Variants in GRIN2B observed in about 807,000 individuals in gnomAD.
GRIN2B encodes the protein glutamate ionotropic receptor NMDA type subunit 2B, also known as glutamate receptor ionotropic, NMDA 2B.
Under a neutral mutation model 114.5 loss-of-function variants are expected in GRIN2B, and 5 were observed. The observed-to-expected ratio is 0.04, with a 90% CI of 0.02 to 0.09. The LOEUF (loss-of-function observed/expected upper bound fraction) is 0.09, where lower values mean the gene tolerates loss of function less well. Ranked by LOEUF, GRIN2B falls within the 10% of genes least tolerant of loss-of-function variation. The pLI is 1.00. For missense variants in GRIN2B, 1,108 were observed against 1,943.5 expected, an observed-to-expected ratio of 0.57 and a Z score of 8.08; for synonymous variants, 787 against 745.1, an observed-to-expected ratio of 1.06 and a Z score of -0.92.
In GRIN2B at chr12:13,876,279, C is replaced by T. The variant is rs563135290; in HGVS notation, c.-18-10053G>A. Reference sequence around the variant, plus strand: ...TCTTTATAAAATGGGAATTATTATCCTCACCTTACAGAGTTGTTGTGAATA... The same window carrying T: ...TCTTTATAAAATGGGAATTATTATCTTCACCTTACAGAGTTGTTGTGAATA... On this transcript the variant is annotated intron_variant, in intron 2 of 13. Coordinates refer to ENST00000609686, the MANE Select transcript of GRIN2B (RefSeq NM_000834.5). Among the ~76,000 whole-genome samples the T allele has an allele frequency of 3.3e-5, 5 of 152,220 alleles. No individual in the cohort carries two copies. The East Asian group carries it at 7.7e-4, about 24-fold the overall frequency.
At chr12:13,970,686 AACACACACACAC>A (rs5796570) in intron 2 of GRIN2B, among the ~76,000 whole-genome samples, 167 of 145,132 alleles carry the variant, frequency 1.2e-3, no homozygotes, top group African/African-American at 4.1e-3. Context: ...GCAGGCTCTA[AACACACACACAC>A]ACACACACAC....
intron 3 of GRIN2B, among the ~76,000 whole-genome samples, chr12:13,776,380 C>T (rs1237402830): frequency 6.6e-6 from 1 of 151,978 alleles, no homozygotes; most frequent in Non-Finnish European, 1.5e-5. Flanking sequence ...CACACGTTCA[C>T]CTATGTAACA....
At chr12:13,574,543 G>A (rs1329948236) in intron 10 of GRIN2B, among the ~76,000 whole-genome samples, 1 of 152,028 alleles carries the variant, frequency 6.6e-6, no homozygotes, top group Non-Finnish European at 1.5e-5. Flanking sequence ...TAATTTTTCT[G>A]AAAAAAATGG....
At chr12:13,844,725 A>G (rs1462820358) in intron 3 of GRIN2B, among the ~76,000 whole-genome samples, 1 of 152,184 alleles carries the variant, frequency 6.6e-6, no homozygotes, top group Non-Finnish European at 1.5e-5. Context: ...GATGATGGGG[A>G]TAGTGACAAT....
At chr12:13,859,634 C>T (rs1865721611) in intron 3 of GRIN2B, among the ~76,000 whole-genome samples, 2 of 152,108 alleles carry the variant, frequency 1.3e-5, no homozygotes, top group African/African-American at 2.4e-5. Flanking sequence ...TCATCGTATG[C>T]ACTGGGAAAA....
intron 10 of GRIN2B, among the ~76,000 whole-genome samples, chr12:13,605,554 C>CTCTCTCTCTCTCTG (rs1404110204): frequency 1.4e-5 from 2 of 147,242 alleles, no homozygotes; most frequent in African/African-American, 5.1e-5. Flanking sequence ...CTCTCTCTGA[C>CTCTCTCTCTCTCTG]ACACACACAC....
intron 2 of GRIN2B, among the ~76,000 whole-genome samples, chr12:13,933,930 C>T (rs1469867511): frequency 6.6e-6 from 1 of 152,202 alleles, no homozygotes; most frequent in African/African-American, 2.4e-5. Flanking sequence ...CTTCCTCTTA[C>T]CCTTCAATAT....
chr12:13,747,535 A>G (rs1258481610), intron 4 of GRIN2B, among the ~76,000 whole-genome samples: 1 of 152,136 alleles, frequency 6.6e-6, no homozygotes, highest in Non-Finnish European at 1.5e-5. Context: ...CCCTCCCTCT[A>G]TATACAGGTG....
chr12:13,863,188 A>G (rs1256176632), intron 3 of GRIN2B, among the ~76,000 whole-genome samples: 1 of 152,078 alleles, frequency 6.6e-6, no homozygotes, highest in Non-Finnish European at 1.5e-5. Flanking sequence ...CAGTTCTCCT[A>G]TTTACTCCTG....
rs71067738 is a variant in GRIN2B, at chr12:13,927,982, A to AAAAAAAAAAAAAAAAAAG, written c.-19+51945_-19+51946insCTTTTTTTTTTTTTTTTT. On this transcript the variant is annotated intron_variant, in intron 2 of 13. Coordinates refer to ENST00000609686, the MANE Select transcript of GRIN2B (RefSeq NM_000834.5). ...ACCCTGTCTCAAAAAAAAAAAAAAA[A>AAAAAAAAAAAAAAAAAAG]GGGGGGGTATGCTGTGGAAAGGATG... Among the ~76,000 whole-genome samples, 142 of 129,772 alleles carry AAAAAAAAAAAAAAAAAAG rather than the reference A, an allele frequency of 1.1e-3. 5 individuals are homozygous for AAAAAAAAAAAAAAAAAAG. The highest frequency in any genetic ancestry group is 1.4e-3 in the Non-Finnish European group (83 of 60,378). The allele number at this position is 129,772 out of a possible 152,430, so 85.1% of individuals were successfully genotyped here.
intron 4 of GRIN2B, among the ~76,000 whole-genome samples, chr12:13,730,619 T>C (rs1321458300): frequency 6.6e-6 from 1 of 152,154 alleles, no homozygotes; most frequent in Non-Finnish European, 1.5e-5. Flanking sequence ...CAAATCTCAT[T>C]GTAGGCGATA....
At chr12:13,939,469 G>C (rs1867194801) in intron 2 of GRIN2B, among the ~76,000 whole-genome samples, 1 of 145,928 alleles carries the variant, frequency 6.9e-6, no homozygotes, top group Admixed American at 6.9e-5. Context: ...TAACACGCCT[G>C]TTTCCCCTTC....
chr12:13,800,671 A>G (rs1864493211), intron 3 of GRIN2B, among the ~76,000 whole-genome samples: 1 of 152,186 alleles, frequency 6.6e-6, no homozygotes. Flanking sequence ...ATACTGTTAC[A>G]GTGAAAATAA....
chr12:13,818,768 C>T (rs1463870536), intron 3 of GRIN2B, among the ~76,000 whole-genome samples: 1 of 152,150 alleles, frequency 6.6e-6, no homozygotes, highest in East Asian at 1.9e-4. Flanking sequence ...AGAGACTGGT[C>T]CAACCCTTTC....
At chr12:13,646,067 T>C in intron 5 of GRIN2B, among the ~76,000 whole-genome samples, 1 of 152,146 alleles carries the variant, frequency 6.6e-6, no homozygotes, top group East Asian at 1.9e-4. Context: ...CAGTGTTCAC[T>C]GGTAAGTAGT....
chr12:13,862,299 C>T (rs1226724163), intron 3 of GRIN2B, among the ~76,000 whole-genome samples: 1 of 152,190 alleles, frequency 6.6e-6, no homozygotes, highest in African/African-American at 2.4e-5. Context: ...GAATGCTGTC[C>T]TTCCAGCATC....
At chr12:13,690,229 T>A (rs889841838) in intron 4 of GRIN2B, among the ~76,000 whole-genome samples, 1 of 151,338 alleles carries the variant, frequency 6.6e-6, no homozygotes, top group Non-Finnish European at 1.5e-5. Context: ...AGTGTTGAAA[T>A]CCTCCCATGC....
At chr12:13,953,128 C>T (rs1445647454) in intron 2 of GRIN2B, among the ~76,000 whole-genome samples, 2 of 152,066 alleles carry the variant, frequency 1.3e-5, no homozygotes, top group African/African-American at 4.8e-5. Flanking sequence ...CAGCCAGGAC[C>T]ACTGACCAGA....
At chr12:13,902,697 C>G (rs948274265) in intron 2 of GRIN2B, among the ~76,000 whole-genome samples, 37 of 151,998 alleles carry the variant, frequency 2.4e-4, no homozygotes, top group Admixed American at 8.5e-4. Flanking sequence ...TGTAATCTCA[C>G]CTACTCAGAA....
Sources: gnomAD v4.1 joint callset for allele counts (sites outside exome capture counted in the v4.1 genomes callset) on GRCh38, gnomAD v4.1.1 for gene constraint, MANE v1.5 for transcripts, NCBI Gene and HGNC (gene_info 2026-07-23, HGNC 2026-07-21) for gene names.